The following TRERF1 variants were observed in gnomAD, a reference collection of about 807,000 sequenced individuals.
TRERF1 encodes the protein transcriptional-regulating factor 1.
In TRERF1, 27 loss-of-function variants were observed where a neutral mutation model predicts 122.9. The ratio of observed to expected loss-of-function variants is 0.22; its 90% CI spans 0.16 to 0.30. The LOEUF (loss-of-function observed/expected upper bound fraction) is 0.30, where lower values mean the gene tolerates loss of function less well. Among genes scored for constraint, TRERF1 ranks in the 10% least tolerant of loss-of-function variants. The probability of loss-of-function intolerance (pLI) is 1.00; values close to 1 mark genes in which losing one functional copy is unlikely to be tolerated. For missense variants in TRERF1, 1,248 were observed against 1,560.3 expected, an observed-to-expected ratio of 0.80 and a Z score of 3.37; for synonymous variants, 636 against 641.7, an observed-to-expected ratio of 0.99 and a Z score of 0.13.
intron 2 of TRERF1, among the ~76,000 whole-genome samples, chr6:42,391,886 A>G (rs1777796155): frequency 6.6e-6 from 1 of 152,104 alleles, no homozygotes; most frequent in African/African-American, 2.4e-5. Context: ...CTCCCAAAAT[A>G]AAATAAAACT....
chr6:42,259,482 G>C lies in TRERF1; in HGVS notation c.2126C>G (p.Thr709Arg), dbSNP rs1372900459. ...CACCGGGCTCAGCATGGGTGGGGGCGTGTAAGGGGGCAGCTCGTGGGTGGG... is the reference window on the plus strand; with the variant it reads ...CACCGGGCTCAGCATGGGTGGGGGCCTGTAAGGGGGCAGCTCGTGGGTGGG... Residue 709 changes from threonine (T) to arginine (R), a missense_variant, in exon 9 of 18, where the codon ACG (threonine) becomes AGG (arginine). Around this residue, in one of 5 missense-constraint regions of TRERF1, gnomAD observed 946 missense variants for 1,073.0 expected, o/e 0.88. Transcript: ENST00000372922. The surrounding 1 kb of genome is among the most constrained non-coding windows in gnomAD (Gnocchi z 4.9). 2 of 1,609,878 alleles carry C rather than the reference G, an allele frequency of 1.2e-6. No individual in the cohort carries two copies. Among genetic ancestry groups the C allele is most frequent in the Non-Finnish European group, 1.7e-6 (2 of 1,179,466 alleles).
At chr6:42,358,441 A>T (rs1297954318) in intron 3 of TRERF1, among the ~76,000 whole-genome samples, 1 of 152,204 alleles carries the variant, frequency 6.6e-6, no homozygotes, top group Non-Finnish European at 1.5e-5. Flanking sequence ...AGGCTTCAAA[A>T]AGTAGGGTGT....
chr6:42,259,837 C>CA lies in TRERF1; in HGVS notation c.1885-115_1885-114insT. 1 of 1,408,212 alleles carries CA rather than the reference C, an allele frequency of 7.1e-7. No homozygotes were observed. 87.2% of individuals were successfully genotyped at this position (1,408,212 alleles called of 1,614,324 possible). On this transcript the variant is annotated intron_variant, in intron 8 of 17. Transcript: ENST00000372922. This position sits in a 1 kb window ranked among gnomAD's most constrained non-coding sequence, Gnocchi z 4.9. ...CTAAGCAGAGAGCCCTTCTGCTTGACCCCCCCACCCCCAACGCCCCCACAT... is the reference window on the plus strand; with the variant it reads ...CTAAGCAGAGAGCCCTTCTGCTTGACACCCCCCACCCCCAACGCCCCCACAT...
chr6:42,257,119 G>T lies in TRERF1; in HGVS notation c.2337-17C>A. 1 of 1,613,242 alleles carries T rather than the reference G, an allele frequency of 6.2e-7. No homozygotes were observed. The highest frequency in any genetic ancestry group is 8.5e-7 in the Non-Finnish European group (1 of 1,179,696). ...TTGATGCGTCTTTAAATGACAAGAA[G>T]AAAAACAACAATGTGGTCTTCAATT... On this transcript the variant is annotated splice_polypyrimidine_tract_variant and intron_variant, in intron 10 of 17. Transcript: ENST00000372922.
chr6:42,324,094 G>C (rs1763898593), intron 3 of TRERF1, among the ~76,000 whole-genome samples: 1 of 152,166 alleles, frequency 6.6e-6, no homozygotes. Context: ...CCACAGCCTA[G>C]CACAGGGTCT....
intron 3 of TRERF1, among the ~76,000 whole-genome samples, chr6:42,332,614 T>C (rs1765435330): frequency 6.6e-6 from 1 of 152,206 alleles, no homozygotes; most frequent in South Asian, 2.1e-4. Flanking sequence ...GCTCCTTTTC[T>C]ATAATAGGAC....
At chr6:42,285,643 T>C (rs955207960) in intron 4 of TRERF1, among the ~76,000 whole-genome samples, 1 of 150,630 alleles carries the variant, frequency 6.6e-6, no homozygotes, top group African/African-American at 2.4e-5. Context: ...TCTTATTATT[T>C]TGAAATACGT....
intron 2 of TRERF1, among the ~76,000 whole-genome samples, chr6:42,375,077 C>A (rs1774589256): frequency 6.6e-6 from 1 of 151,568 alleles, no homozygotes; most frequent in Non-Finnish European, 1.5e-5. Context: ...GAAATTAACA[C>A]CCCTGGAAGC....
At chr6:42,274,487 C>G (rs1301061515) in intron 4 of TRERF1, among the ~76,000 whole-genome samples, 2 of 152,058 alleles carry the variant, frequency 1.3e-5, no homozygotes, top group Non-Finnish European at 2.9e-5. Flanking sequence ...CCAGTCTGGC[C>G]AACATGGCAA....
rs1051936019 is a variant in TRERF1 at position 42,268,019 on chromosome 6, A to G, written c.1437+135T>C. On this transcript the variant is annotated intron_variant, in intron 5 of 17. Transcript: ENST00000372922. This position sits in a 1 kb window ranked among gnomAD's most constrained non-coding sequence, Gnocchi z 4.4. The stretch of plus-strand genomic sequence containing the variant: ...GCTTGGCACAGACAGTGCGTGACAC[A>G]TGTAGGTTAATGTTTGTGGAATTAG... 2.1e-4 allele frequency: 225 copies of G among 1,090,052 alleles called. No homozygotes were observed. Among genetic ancestry groups the G allele is most frequent in the Admixed American group, 3.1e-4 (10 of 32,112 alleles). 67.5% of individuals were successfully genotyped at this position (1,090,052 alleles called of 1,614,324 possible). A position where few individuals can be genotyped will look rare whatever the true frequency, so the allele number is the denominator to read the frequency against.
chr6:42,275,451 C>T lies in TRERF1; in HGVS notation c.-258-5603G>A, dbSNP rs550177117. Among the ~76,000 whole-genome samples, 14 of 152,226 alleles carry T rather than the reference C, an allele frequency of 9.2e-5. No individual in the cohort carries two copies. The highest frequency in any genetic ancestry group is 1.9e-4 in the Non-Finnish European group (13 of 68,042). ...TCCACGCTCCCACAGAGCCTGTGAC[C>T]GCTTTTCCTCTGCACTGACCATGTC... On this transcript the variant is annotated intron_variant, in intron 4 of 17. Transcript: ENST00000372922. The surrounding 1 kb of genome is among the most constrained non-coding windows in gnomAD (Gnocchi z 4.1).
chr6:42,409,272 T>G (rs1012222453), intron 2 of TRERF1, among the ~76,000 whole-genome samples: 1 of 152,098 alleles, frequency 6.6e-6, no homozygotes, highest in Non-Finnish European at 1.5e-5. Context: ...TGAGACCCAG[T>G]CTCAAAATAA....
At chr6:42,350,169 G>A (rs1769139801) in intron 3 of TRERF1, among the ~76,000 whole-genome samples, 1 of 152,134 alleles carries the variant, frequency 6.6e-6, no homozygotes, top group African/African-American at 2.4e-5. Flanking sequence ...GAATGCAAAA[G>A]AGGCCTCACT....
chr6:42,422,031 C>A (rs968616598), intron 2 of TRERF1, among the ~76,000 whole-genome samples: 4 of 151,178 alleles, frequency 2.6e-5, no homozygotes, highest in Non-Finnish European at 5.9e-5. Context: ...ATTAGCCAGG[C>A]GTGGTGGCGT....
intron 2 of TRERF1, among the ~76,000 whole-genome samples, chr6:42,392,608 C>A (rs1327713715): frequency 6.6e-6 from 1 of 152,114 alleles, no homozygotes. Context: ...TGCATAGATA[C>A]TATGGGTCCC....
chr6:42,289,645 C>T (rs1468163803), intron 4 of TRERF1, among the ~76,000 whole-genome samples: 2 of 152,146 alleles, frequency 1.3e-5, no homozygotes, highest in Non-Finnish European at 2.9e-5. Flanking sequence ...AACACTTCCC[C>T]TTCAAAGAGA....
intron 3 of TRERF1, among the ~76,000 whole-genome samples, chr6:42,360,771 T>A (rs626031): frequency 0.15 from 5,292 of 36,450 alleles, 735 homozygotes; most frequent in African/African-American, 0.37. Context: ...GTGGAGAGAT[T>A]AAAAAAAAAA....
At chr6:42,296,014 C>T (rs370592378) in intron 4 of TRERF1, among the ~76,000 whole-genome samples, 3 of 152,200 alleles carry the variant, frequency 2.0e-5, no homozygotes, top group African/African-American at 7.2e-5. Flanking sequence ...CCAGCCCCAT[C>T]ACTGCTGAAA....
chr6:42,414,477 G>A (rs909877842), intron 2 of TRERF1, among the ~76,000 whole-genome samples: 1 of 152,092 alleles, frequency 6.6e-6, no homozygotes, highest in African/African-American at 2.4e-5. Context: ...GTGTCACCCT[G>A]TACTATTACT....
Sources: allele counts gnomAD v4.1 joint callset (sites outside exome capture counted in the v4.1 genomes callset), GRCh38; gene constraint gnomAD v4.1.1; regional missense constraint gnomAD v4.1.1; non-coding constraint Gnocchi (gnomAD v3.1); transcripts MANE v1.5; gene names NCBI Gene and HGNC (gene_info 2026-07-23, HGNC 2026-07-21).